Variants in PHACTR1 observed in about 807,000 individuals in gnomAD.
PHACTR1 encodes the protein phosphatase and actin regulator 1, also known as RPEL repeat containing 1.
Under a neutral mutation model 69.2 loss-of-function variants are expected in PHACTR1, and 16 were observed. The observed-to-expected ratio is 0.23, with a 90% CI of 0.16 to 0.35. The LOEUF (loss-of-function observed/expected upper bound fraction) is 0.35. Ranked by LOEUF, PHACTR1 falls within the 10% of genes least tolerant of loss-of-function variation. PHACTR1 has a pLI of 1.00. For missense variants in PHACTR1, 510 were observed against 734.7 expected (o/e 0.69, Z 3.54); for synonymous variants, 312 against 284.5 (o/e 1.10, Z -0.97).
At chr6:12,973,186 T>C (rs1239121971) in intron 4 of PHACTR1, among the ~76,000 whole-genome samples, 1 of 152,198 alleles carries the variant, frequency 6.6e-6, no homozygotes, top group Non-Finnish European at 1.5e-5. Context: ...ACCCTTTGTT[T>C]AAAAGGAGTC....
chr6:13,005,433 T>C (rs1798671401), intron 4 of PHACTR1, among the ~76,000 whole-genome samples: 2 of 152,200 alleles, frequency 1.3e-5, no homozygotes, highest in Non-Finnish European at 2.9e-5. Flanking sequence ...CTCTTAGCTT[T>C]TGATTTACCC....
chr6:13,266,166 A>G (rs1431774388), intron 10 of PHACTR1, among the ~76,000 whole-genome samples: 2 of 152,016 alleles, frequency 1.3e-5, no homozygotes, highest in Non-Finnish European at 1.5e-5. Context: ...TGAGTTAGAA[A>G]ACCTAAGGAG....
At chr6:13,153,741 G>A (rs1195075757) in intron 5 of PHACTR1, among the ~76,000 whole-genome samples, 1 of 152,128 alleles carries the variant, frequency 6.6e-6, no homozygotes, top group African/African-American at 2.4e-5. Context: ...TTCATTTTGG[G>A]GAGAACTAGA....
chr6:13,252,856 G>C, intron 10 of PHACTR1: 1 of 285,208 alleles, frequency 3.5e-6, no homozygotes, highest in Non-Finnish European at 7.4e-6. Context: ...TTTTATTAAA[G>C]GAGAATTATA....
At chr6:12,877,050 C>A (rs532811570) in intron 4 of PHACTR1, among the ~76,000 whole-genome samples, 2 of 152,192 alleles carry the variant, frequency 1.3e-5, no homozygotes, top group African/African-American at 4.8e-5. Flanking sequence ...TACTCTTCCA[C>A]GCTGAGGAAA....
intron 4 of PHACTR1, among the ~76,000 whole-genome samples, chr6:12,908,577 C>A (rs1470788934): frequency 6.6e-6 from 1 of 151,386 alleles, no homozygotes; most frequent in Non-Finnish European, 1.5e-5. Context: ...CAAGGAATGT[C>A]TGGCAAAGGA....
intron 5 of PHACTR1, among the ~76,000 whole-genome samples, chr6:13,141,724 C>CTTTTTTTTTTTTTTTTTTTTTTT (rs577073698): frequency 4.5e-5 from 4 of 89,830 alleles, no homozygotes; most frequent in African/African-American, 1.2e-4. Context: ...TTTCTTCTTT[C>CTTTTTTTTTTTTTTTTTTTTTTT]TTTTTTTTTT....
chr6:12,718,703 T>C lies in PHACTR1; in HGVS notation c.-42T>C, dbSNP rs1035304532. 2 of 1,111,428 alleles carry C rather than the reference T, an allele frequency of 1.8e-6. No homozygotes were observed. Among genetic ancestry groups the C allele is most frequent in the African/African-American group, 1.6e-5 (1 of 63,684 alleles). 68.8% of individuals were successfully genotyped at this position (1,111,428 alleles called of 1,614,324 possible). On this transcript the variant is annotated 5_prime_UTR_variant, in exon 3 of 15. Coordinates refer to ENST00000332995, the MANE Select transcript of PHACTR1 (RefSeq NM_030948.6). ...ATTTTTTTTTCCTCTTTATAGGTGT[T>C]CCAGTGTTTTCTCTCAAAACTCTGT...
intron 4 of PHACTR1, among the ~76,000 whole-genome samples, chr6:12,959,277 G>A (rs1245364011): frequency 3.3e-5 from 5 of 151,122 alleles, no homozygotes; most frequent in Non-Finnish European, 5.9e-5. Context: ...TTTGTATATC[G>A]GAATTAAAAA....
chr6:12,749,235 G>T (rs373166119), intron 3 of PHACTR1, among the ~76,000 whole-genome samples: 26 of 152,372 alleles, frequency 1.7e-4, no homozygotes, highest in African/African-American at 6.2e-4. Flanking sequence ...GGGCATCTCT[G>T]CGTTGGAGTC....
At chr6:13,035,175 A>C (rs1170945089) in intron 4 of PHACTR1, among the ~76,000 whole-genome samples, 1 of 152,226 alleles carries the variant, frequency 6.6e-6, no homozygotes, top group Non-Finnish European at 1.5e-5. Context: ...ACAAAAATTA[A>C]TCATAGATAT....
At chr6:12,989,215 A>G (rs545724972) in intron 4 of PHACTR1, among the ~76,000 whole-genome samples, 1 of 152,336 alleles carries the variant, frequency 6.6e-6, no homozygotes, top group Admixed American at 6.5e-5. Context: ...ACTGCTATTC[A>G]TGTGTCCAGG....
At chr6:13,239,716 C>T (rs1419272401) in intron 10 of PHACTR1, among the ~76,000 whole-genome samples, 4 of 152,228 alleles carry the variant, frequency 2.6e-5, no homozygotes, top group Admixed American at 2.0e-4. Context: ...TGGCCTCTTG[C>T]CCTCTTACCC....
chr6:12,953,572 A>T (rs1328565985), intron 4 of PHACTR1, among the ~76,000 whole-genome samples: 1 of 152,256 alleles, frequency 6.6e-6, no homozygotes, highest in Non-Finnish European at 1.5e-5. Flanking sequence ...GTTTATAAGA[A>T]TGACCTAAAA....
At chr6:13,011,009 A>C (rs1206829753) in intron 4 of PHACTR1, among the ~76,000 whole-genome samples, 3 of 152,230 alleles carry the variant, frequency 2.0e-5, no homozygotes, top group African/African-American at 7.2e-5. Flanking sequence ...ACTGCTGCCC[A>C]TACTAAGCTA....
intron 7 of PHACTR1, among the ~76,000 whole-genome samples, chr6:13,193,610 A>G (rs1763934697): frequency 1.3e-5 from 2 of 151,142 alleles, no homozygotes; most frequent in East Asian, 1.9e-4. Flanking sequence ...CTGATCTCCA[A>G]CTCCTGGGCT....
intron 5 of PHACTR1, among the ~76,000 whole-genome samples, chr6:13,060,958 C>T (rs1233150343): frequency 6.6e-6 from 1 of 152,196 alleles, no homozygotes; most frequent in African/African-American, 2.4e-5. Flanking sequence ...AGAGCTTCTC[C>T]TGCAGTTCCA....
At chr6:13,155,455 TG>T (rs1421407571) in intron 5 of PHACTR1, among the ~76,000 whole-genome samples, 1 of 152,108 alleles carries the variant, frequency 6.6e-6, no homozygotes, top group Admixed American at 6.5e-5. Context: ...TCCTCAGACA[TG>T]GGGGGTAAGT....
chr6:13,200,015 G>A (rs2113839063), intron 7 of PHACTR1, among the ~76,000 whole-genome samples: 1 of 152,320 alleles, frequency 6.6e-6, no homozygotes, highest in South Asian at 2.1e-4. Context: ...CTTTTTACAT[G>A]TTGGGAGCAT....
Sources: allele counts gnomAD v4.1 joint callset (sites outside exome capture counted in the v4.1 genomes callset), GRCh38; gene constraint gnomAD v4.1.1; transcripts MANE v1.5; gene names NCBI Gene and HGNC (gene_info 2026-07-23, HGNC 2026-07-21).